Variants in NRXN3 observed in about 807,000 individuals in gnomAD.
The protein encoded by NRXN3 is neurexin 3.
Under a neutral mutation model 137.6 loss-of-function variants are expected in NRXN3, and 32 were observed. The observed-to-expected ratio is 0.23, with a 90% confidence interval of 0.18 to 0.31. The LOEUF (loss-of-function observed/expected upper bound fraction) is 0.31, where lower values mean the gene tolerates loss of function less well. NRXN3 is among the 10% of genes least tolerant of loss of function. The probability of loss-of-function intolerance (pLI) is 1.00; values close to 1 mark genes in which losing one functional copy is unlikely to be tolerated. For missense variants in NRXN3, 1,574 were observed against 2,062.5 expected (o/e 0.76, Z 4.59); for synonymous variants, 798 against 784.5 (o/e 1.02, Z -0.29).
At position 79,663,861 on chromosome 14, in the gene NRXN3, C is replaced by A. The variant is rs756707456; in HGVS notation, c.3528C>A (p.Gly1176=). Residue 1176 remains glycine, a synonymous_variant, in exon 17 of 21, where the codon GGC becomes GGA. Coordinates refer to ENST00000335750, the MANE Select transcript of NRXN3 (RefSeq NM_001330195.2). ...AGGAGAGAACCCCTGTAAATGACGG[C>A]AAATACCATGTGGTACGCTTCACCA... ...IKEERTPVND[G]KYHVVRFTRN... 6.2e-6 allele frequency: 10 copies of A among 1,613,460 alleles called. No homozygotes were observed. The East Asian group carries it at 2.0e-4, about 32-fold the overall frequency.
intron 8 of NRXN3, among the ~76,000 whole-genome samples, chr14:78,767,860 T>G (rs1248279346): frequency 6.6e-6 from 1 of 152,132 alleles, no homozygotes; most frequent in Non-Finnish European, 1.5e-5. Context: ...TAGCACCATT[T>G]TAAGCTTAGT....
chr14:79,651,436 G>T lies in NRXN3; in HGVS notation c.3445-12342G>T, dbSNP rs74731145. 5.0e-3 allele frequency among the ~76,000 whole-genome samples: 754 copies of T among 152,256 alleles called. 7 individuals carry two copies. Among genetic ancestry groups the T allele is most frequent in the African/African-American group, 0.018 (730 of 41,556 alleles). On this transcript the variant is annotated intron_variant, in intron 16 of 20. Coordinates refer to ENST00000335750, the MANE Select transcript of NRXN3 (RefSeq NM_001330195.2). ...AGAATGCAAAGGTGCTTTCACCATT[G>T]TGTCAGATGCTTGGCTGAACATTTA... is the stretch of plus-strand genomic sequence containing the variant.
intron 15 of NRXN3, among the ~76,000 whole-genome samples, chr14:79,058,485 GAT>G (rs370592948): frequency 3.3e-5 from 5 of 151,278 alleles, no homozygotes; most frequent in Non-Finnish European, 7.4e-5. Flanking sequence ...GAATCCCTGA[GAT>G]ATATATATAT....
intron 1 of NRXN3, among the ~76,000 whole-genome samples, chr14:78,236,075 A>C (rs1385241906): frequency 6.6e-6 from 1 of 152,252 alleles, no homozygotes; most frequent in African/African-American, 2.4e-5. Context: ...TAACAAAAAT[A>C]ATAGATTAAC....
intron 14 of NRXN3, among the ~76,000 whole-genome samples, chr14:78,987,707 C>A (rs2099509877): frequency 1.3e-5 from 2 of 151,552 alleles, no homozygotes; most frequent in South Asian, 4.2e-4. Context: ...AGCTATAATC[C>A]AAATGAGATA....
intron 4 of NRXN3, among the ~76,000 whole-genome samples, chr14:78,568,829 G>T (rs576274699): frequency 7.2e-5 from 11 of 152,250 alleles, no homozygotes; most frequent in Admixed American, 7.2e-4. Context: ...CTGCTATAGG[G>T]TAGTGGTTCT....
At chr14:79,218,025 A>G (rs1267706784) in intron 15 of NRXN3, among the ~76,000 whole-genome samples, 3 of 152,172 alleles carry the variant, frequency 2.0e-5, no homozygotes, top group Non-Finnish European at 4.4e-5. Flanking sequence ...AAGCCCACAC[A>G]CCAATATCCA....
intron 15 of NRXN3, among the ~76,000 whole-genome samples, chr14:79,296,988 C>G (rs935032320): frequency 1.3e-5 from 2 of 152,208 alleles, no homozygotes; most frequent in Non-Finnish European, 1.5e-5. Context: ...CCCTGGCCTT[C>G]TCCCAACCAT....
At chr14:79,735,520 A>G (rs762570203) in intron 19 of NRXN3, among the ~76,000 whole-genome samples, 1 of 152,160 alleles carries the variant, frequency 6.6e-6, no homozygotes, top group Non-Finnish European at 1.5e-5. Flanking sequence ...CTGTCTTCTG[A>G]GTTATGAAAG....
intron 6 of NRXN3, among the ~76,000 whole-genome samples, chr14:78,684,566 A>G (rs2098108944): frequency 6.6e-6 from 1 of 152,130 alleles, no homozygotes; most frequent in Non-Finnish European, 1.5e-5. Flanking sequence ...GCATTTTGGG[A>G]GGCTGAGGCA....
chr14:79,016,003 C>T (rs57121695), intron 15 of NRXN3, among the ~76,000 whole-genome samples: 2 of 151,994 alleles, frequency 1.3e-5, no homozygotes, highest in Admixed American at 6.6e-5. Context: ...CTGAAAGGGC[C>T]GTTTTTCTTG....
intron 15 of NRXN3, among the ~76,000 whole-genome samples, chr14:79,289,679 G>A (rs144847607): frequency 3.4e-4 from 52 of 152,254 alleles, no homozygotes; most frequent in African/African-American, 1.2e-3. Context: ...GTGTGCCAAG[G>A]TAGGGTTTCT....
intron 20 of NRXN3, among the ~76,000 whole-genome samples, chr14:79,807,558 C>T (rs1410114048): frequency 6.6e-6 from 1 of 152,100 alleles, no homozygotes; most frequent in Non-Finnish European, 1.5e-5. Context: ...CTAGAGGCCA[C>T]GCAGGTATTT....
chr14:79,574,729 G>A (rs547722827), intron 16 of NRXN3, among the ~76,000 whole-genome samples: 1 of 152,150 alleles, frequency 6.6e-6, no homozygotes, highest in Admixed American at 6.5e-5. Context: ...TTAGAAGCGA[G>A]TCACGATGTT....
intron 16 of NRXN3, among the ~76,000 whole-genome samples, chr14:79,574,952 T>TA (rs140263226): frequency 0.15 from 22,039 of 151,122 alleles, 1,974 homozygotes; most frequent in African/African-American, 0.26. Flanking sequence ...ATTCTTGCTT[T>TA]AAAAAAAAAT....
At chr14:78,248,050 C>T (rs1023448698) in intron 2 of NRXN3, among the ~76,000 whole-genome samples, 10 of 152,116 alleles carry the variant, frequency 6.6e-5, no homozygotes, top group African/African-American at 2.4e-4. Context: ...TCACATTTTA[C>T]GTTGATTCAG....
At chr14:78,511,803 T>C (rs911823597) in intron 4 of NRXN3, among the ~76,000 whole-genome samples, 2 of 152,140 alleles carry the variant, frequency 1.3e-5, no homozygotes, top group Non-Finnish European at 2.9e-5. Flanking sequence ...ATTTTCCTAC[T>C]TCCAGGAGAT....
At chr14:79,350,844 C>T (rs944327551) in intron 15 of NRXN3, among the ~76,000 whole-genome samples, 1 of 152,124 alleles carries the variant, frequency 6.6e-6, no homozygotes, top group Non-Finnish European at 1.5e-5. Context: ...CCTTCTAGGC[C>T]TTCCTCTCCA....
chr14:78,673,464 G>A (rs111799199), intron 6 of NRXN3, among the ~76,000 whole-genome samples: 1 of 152,224 alleles, frequency 6.6e-6, no homozygotes, highest in Non-Finnish European at 1.5e-5. Context: ...GTCAGGTGGA[G>A]CTATATATGG....
Sources: allele counts gnomAD v4.1 joint callset (sites outside exome capture counted in the v4.1 genomes callset), GRCh38; gene constraint gnomAD v4.1.1; transcripts MANE v1.5; gene names NCBI Gene and HGNC (gene_info 2026-07-23, HGNC 2026-07-21).